The following TNFRSF11A variants were observed in gnomAD, a reference collection of about 807,000 sequenced individuals.
The protein encoded by TNFRSF11A is tumor necrosis factor receptor superfamily member 11A.
A neutral mutation model predicts 55.7 loss-of-function variants in TNFRSF11A; 32 were observed. The observed-to-expected ratio is 0.57, with a 90% CI of 0.43 to 0.77. The LOEUF is 0.77. Among genes scored for constraint, TNFRSF11A ranks in the 30% least tolerant of loss-of-function variants. TNFRSF11A has a pLI of 0.00. For synonymous variants in TNFRSF11A, 311 were observed against 331.0 expected (o/e 0.94, Z 0.65); for missense variants, 753 against 809.8 (o/e 0.93, Z 0.85).
At position 62,325,382 on chromosome 18, in the gene TNFRSF11A, G is replaced by T; in HGVS notation, c.30G>T (p.Pro10=). 1 of 1,091,326 alleles carries T rather than the reference G, an allele frequency of 9.2e-7. No individual in the cohort carries two copies. 67.6% of individuals were successfully genotyped at this position (1,091,326 alleles called of 1,614,324 possible). A position where few individuals can be genotyped will look rare whatever the true frequency, so the allele number is the denominator to read the frequency against. The stretch of plus-strand genomic sequence containing the variant: ...CCCCGCGCGCCCGGCGGCGCCGCCC[G>T]CTGTTCGCGCTGCTGCTGCTCTGCG... The part of the protein sequence containing the change: MAPRARRRR[P]LFALLLLCAL... Residue 10 remains proline (P), a synonymous_variant, in exon 1 of 10, where the codon CCG becomes CCT. Transcript: ENST00000586569. This position sits in a 1 kb window ranked among gnomAD's most constrained non-coding sequence, Gnocchi z 4.7.
chr18:62,359,099 T>C (rs768451913), intron 5 of TNFRSF11A, among the ~76,000 whole-genome samples: 27 of 152,230 alleles, frequency 1.8e-4, no homozygotes, highest in Admixed American at 4.6e-4. Context: ...TAAATGTTTA[T>C]TTTCTGCTGG....
chr18:62,338,826 A>C (rs1053912153), intron 1 of TNFRSF11A, among the ~76,000 whole-genome samples: 1 of 152,196 alleles, frequency 6.6e-6, no homozygotes, highest in Non-Finnish European at 1.5e-5. Flanking sequence ...CCACAATAAA[A>C]AATATTAAAT....
intron 1 of TNFRSF11A, among the ~76,000 whole-genome samples, chr18:62,329,290 T>C (rs2046117268): frequency 1.3e-5 from 2 of 152,334 alleles, no homozygotes; most frequent in African/African-American, 2.4e-5. Flanking sequence ...ATCTGCCCCC[T>C]GGCCAGGTGG....
In TNFRSF11A at chr18:62,371,733, C is replaced by G. The variant is rs139708197; in HGVS notation, c.1567+2249C>G. ...CCACAATTACTTCTCCATGAACAGG[C>G]CTTATGGTTTCTGGTCAAAATAGTA... is the stretch of plus-strand genomic sequence containing the variant. On this transcript the variant is annotated intron_variant, in intron 9 of 9. Coordinates refer to ENST00000586569, the MANE Select transcript of TNFRSF11A (RefSeq NM_003839.4). 2.0e-5 allele frequency among the ~76,000 whole-genome samples: 3 copies of G among 152,172 alleles called. No individual in the cohort carries two copies. The East Asian group carries it at 5.8e-4, about 29-fold the overall frequency.
Position 62,370,842 on chromosome 18 carries a change from T to C in TNFRSF11A, c.1567+1358T>C, listed in dbSNP as rs1490540636. Among the ~76,000 whole-genome samples, 6 of 152,022 alleles carry C rather than the reference T, an allele frequency of 3.9e-5. No individual in the cohort carries two copies. The East Asian group carries it at 1.2e-3, about 29-fold the overall frequency. ...TTTCTTTTCTTTTCTTTTCTTTTTT[T>C]TTTTTGAGACCAAGTCTCACTCTGT... On this transcript the variant is annotated intron_variant, in intron 9 of 9. Coordinates refer to ENST00000586569, the MANE Select transcript of TNFRSF11A (RefSeq NM_003839.4).
intron 9 of TNFRSF11A, among the ~76,000 whole-genome samples, chr18:62,371,348 T>C (rs557525702): frequency 1.3e-5 from 2 of 152,302 alleles, no homozygotes; most frequent in Admixed American, 6.5e-5. Flanking sequence ...AGAACAGTGT[T>C]GGCCAGATTT....
intron 1 of TNFRSF11A, among the ~76,000 whole-genome samples, chr18:62,338,640 A>T (rs974578173): frequency 6.6e-6 from 1 of 152,160 alleles, no homozygotes; most frequent in Non-Finnish European, 1.5e-5. Context: ...AGACAGTAGA[A>T]AGGTGGTTTC....
At chr18:62,347,063 C>A (rs146248668) in intron 1 of TNFRSF11A, among the ~76,000 whole-genome samples, 252 of 152,332 alleles carry the variant, frequency 1.7e-3, no homozygotes, top group African/African-American at 5.5e-3. Flanking sequence ...TGATTACTTA[C>A]CACCTCCCTC....
At chr18:62,341,525 A>T (rs991806463) in intron 1 of TNFRSF11A, among the ~76,000 whole-genome samples, 3 of 152,182 alleles carry the variant, frequency 2.0e-5, no homozygotes, top group African/African-American at 7.2e-5. Flanking sequence ...CCCTCAGGGA[A>T]TGACTGGATG....
Position 62,354,383 on chromosome 18 carries a change from TC to T in TNFRSF11A, c.284-5del, listed in dbSNP as rs761340392. On this transcript the variant is annotated splice_region_variant and splice_polypyrimidine_tract_variant and intron_variant, in intron 3 of 9. Coordinates refer to ENST00000586569, the MANE Select transcript of TNFRSF11A (RefSeq NM_003839.4). ...CCTGGCCACTGACCTGTCTCTTGTCTCCCGCAGGCAAGGCCCTGGTGGCCGT... is the reference window on the plus strand; with the variant it reads ...CCTGGCCACTGACCTGTCTCTTGTCTCCGCAGGCAAGGCCCTGGTGGCCGT... The T allele has an allele frequency of 6.4e-7, 1 of 1,570,086 alleles. No homozygotes were observed. The highest frequency in any genetic ancestry group is 8.6e-7 in the Non-Finnish European group (1 of 1,162,908).
chr18:62,359,921 A>G (rs748371256), intron 5 of TNFRSF11A, 34 bp from the exon 6 acceptor site: 1 of 1,594,490 alleles, frequency 6.3e-7, no homozygotes, highest in South Asian at 1.1e-5. Flanking sequence ...CAAGCTTATA[A>G]AACCAAAGCA....
At chr18:62,380,846 G>C (rs1159502973) in intron 9 of TNFRSF11A, among the ~76,000 whole-genome samples, 1 of 150,306 alleles carries the variant, frequency 6.7e-6, no homozygotes, top group Admixed American at 6.7e-5. Context: ...CTGTCACCCA[G>C]GCTGGAGTGC....
chr18:62,347,747 T>C (rs1037153049), intron 1 of TNFRSF11A, among the ~76,000 whole-genome samples: 2 of 152,022 alleles, frequency 1.3e-5, no homozygotes, highest in Non-Finnish European at 2.9e-5. Context: ...ACCCCGTCTC[T>C]ACTAAAAATA....
chr18:62,349,425 C>A (rs979184586), intron 2 of TNFRSF11A, among the ~76,000 whole-genome samples: 5 of 152,168 alleles, frequency 3.3e-5, no homozygotes, highest in Non-Finnish European at 7.3e-5. Context: ...AGGTGATCCG[C>A]CCGTCTCCGC....
At chr18:62,330,229 C>T (rs982788042) in intron 1 of TNFRSF11A, among the ~76,000 whole-genome samples, 1 of 152,136 alleles carries the variant, frequency 6.6e-6, no homozygotes, top group Non-Finnish European at 1.5e-5. Flanking sequence ...ATCCGGTGTT[C>T]TGGGGAGGGT....
In TNFRSF11A at chr18:62,354,553, C is replaced by T. The variant is rs1460077740; in HGVS notation, c.427+19C>T. The T allele has an allele frequency of 6.2e-7, 1 of 1,601,748 alleles. No homozygotes were observed. The highest frequency in any genetic ancestry group is 1.1e-5 in the South Asian group (1 of 91,024). On this transcript the variant is annotated intron_variant, in intron 4 of 9. Transcript: ENST00000586569. Reference sequence around the variant, plus strand: ...CACCCGTGTACGGGTTGGATGTGTGCGTCTGTCGGCTCTTGCTGAGCCATG... The same window carrying T: ...CACCCGTGTACGGGTTGGATGTGTGTGTCTGTCGGCTCTTGCTGAGCCATG...
At position 62,325,351 on chromosome 18, in the gene TNFRSF11A, C is replaced by T; in HGVS notation, c.-2C>T. 4.9e-6 allele frequency: 5 copies of T among 1,020,120 alleles called. No homozygotes were observed. The highest frequency in any genetic ancestry group is 5.8e-6 in the Non-Finnish European group (5 of 856,256). The allele number at this position is 1,020,120 out of a possible 1,614,324, so 63.2% of individuals were successfully genotyped here. On this transcript the variant is annotated 5_prime_UTR_variant, in exon 1 of 10. Coordinates refer to ENST00000586569, the MANE Select transcript of TNFRSF11A (RefSeq NM_003839.4). The surrounding 1 kb of genome is among the most constrained non-coding windows in gnomAD (Gnocchi z 4.7). ...GCGGCGCCCGCCAGCCTGTCCCGCGCCATGGCCCCGCGCGCCCGGCGGCGC... is the reference window on the plus strand; with the variant it reads ...GCGGCGCCCGCCAGCCTGTCCCGCGTCATGGCCCCGCGCGCCCGGCGGCGC...
rs1909714096 is a variant in TNFRSF11A, at chr18:62,361,836, T to C, written c.730+43T>C. Reference sequence around the variant, plus strand: ...GTTTTTGCAAACCAATCTTAAAAGATAGATTTCTAGGTAAATGCTTTGGAA... The same window carrying C: ...GTTTTTGCAAACCAATCTTAAAAGACAGATTTCTAGGTAAATGCTTTGGAA... On this transcript the variant is annotated intron_variant, in intron 7 of 9. Coordinates refer to ENST00000586569, the MANE Select transcript of TNFRSF11A (RefSeq NM_003839.4). The C allele has an allele frequency of 1.9e-5, 29 of 1,524,284 alleles. No homozygotes were observed. In the East Asian group the frequency reaches 5.8e-4, roughly 31 times the overall value. The allele number at this position is 1,524,284 out of a possible 1,614,324, so 94.4% of individuals were successfully genotyped here. A position where few individuals can be genotyped will look rare whatever the true frequency, so the allele number is the denominator to read the frequency against.
intron 6 of TNFRSF11A, among the ~76,000 whole-genome samples, 154 bp from the exon 7 acceptor site, chr18:62,361,526 C>T (rs376762500): frequency 6.6e-6 from 1 of 152,078 alleles, no homozygotes; most frequent in Non-Finnish European, 1.5e-5. Flanking sequence ...TGTGAGTGCT[C>T]GCGGACAAAG....
Sources: allele counts gnomAD v4.1 joint callset (sites outside exome capture counted in the v4.1 genomes callset), GRCh38; gene constraint gnomAD v4.1.1; non-coding constraint Gnocchi (gnomAD v3.1); transcripts MANE v1.5; gene names NCBI Gene and HGNC (gene_info 2026-07-23, HGNC 2026-07-21).